Variants in SIPA1L3 observed in about 807,000 individuals in gnomAD.
The protein encoded by SIPA1L3 is signal-induced proliferation-associated 1-like protein 3.
SIPA1L3 carries 59 observed loss-of-function variants against 150.1 expected under a neutral mutation model. That is an observed-to-expected ratio of 0.39 (90% confidence interval 0.32 to 0.49). SIPA1L3 has a LOEUF of 0.49. SIPA1L3 is among the 20% of genes least tolerant of loss of function. SIPA1L3 has a pLI of 0.86. For synonymous variants in SIPA1L3, 1,070 were observed against 1,077.6 expected (o/e 0.99, Z 0.14); for missense variants, 2,211 against 2,489.5 (o/e 0.89, Z 2.38).
At chr19:37,970,467 GCAGATACCGTT>G (rs1368867454) in intron 1 of SIPA1L3, among the ~76,000 whole-genome samples, 1 of 152,186 alleles carries the variant, frequency 6.6e-6, no homozygotes, top group Admixed American at 6.5e-5. Flanking sequence ...CTCCCATGCT[GCAGATACCGTT>G]CTGAATCTCT....
chr19:38,205,299 A>T (rs1973184097), intron 21 of SIPA1L3, among the ~76,000 whole-genome samples: 1 of 150,248 alleles, frequency 6.7e-6, no homozygotes, highest in Non-Finnish European at 1.5e-5. Flanking sequence ...GTCTCTACTA[A>T]AATACAAAAT....
Position 38,082,472 on chromosome 19 carries a change from C to T in SIPA1L3, c.907C>T (p.Arg303Trp), listed in dbSNP as rs568659776. 2.5e-6 allele frequency: 4 copies of T among 1,590,020 alleles called. No individual in the cohort carries two copies. The highest frequency in any genetic ancestry group is 1.7e-5 in the Admixed American group (1 of 58,160). ...GGDTVDSSIFRKLRSSKPEGE... is the reference protein window; with the variant it reads ...GGDTVDSSIFWKLRSSKPEGE... The stretch of plus-strand genomic sequence containing the variant: ...GGACACGGTGGACTCGTCCATCTTT[C>T]GGAAGCTAAGGAGCAGCAAACCCGA... The change falls in exon 3 of 22, where the codon CGG becomes TGG. Residue 303 changes from arginine (R) to tryptophan (W), a missense_variant. By Grantham distance (101) the Arg-to-Trp change is moderately radical (BLOSUM62 -3). Coordinates refer to ENST00000222345, the MANE Select transcript of SIPA1L3 (RefSeq NM_015073.3).
intron 2 of SIPA1L3, among the ~76,000 whole-genome samples, chr19:38,064,498 A>G (rs1043589363): frequency 2.0e-5 from 3 of 152,214 alleles, no homozygotes; most frequent in African/African-American, 7.2e-5. Flanking sequence ...GGAGTTTGAG[A>G]CCAGCCTGGC....
rs766968887 is a variant in SIPA1L3, at chr19:38,164,737, G to T, written c.4039G>T (p.Gly1347Cys). The change falls in exon 15 of 22, where the codon GGT (glycine) becomes TGT (cysteine). Residue 1347 changes from glycine to cysteine, a missense_variant. By Grantham distance (159) the Gly-to-Cys change is radical. Transcript: ENST00000222345. This position sits in a 1 kb window ranked among gnomAD's most constrained non-coding sequence, Gnocchi z 4.1. The part of the protein sequence containing the change: ...PPGSMGLCGG[G>C]REAAGRSHHA... Reference sequence around the variant, plus strand: ...TGGAAGTATGGGCCTTTGTGGCGGGGGTCGCGAGGCCGCTGGGAGGTCCCA... The same window carrying T: ...TGGAAGTATGGGCCTTTGTGGCGGGTGTCGCGAGGCCGCTGGGAGGTCCCA... 6.2e-7 allele frequency: 1 copy of T among 1,613,330 alleles called. No homozygotes were observed. Among genetic ancestry groups the T allele is most frequent in the Non-Finnish European group, 8.5e-7 (1 of 1,179,716 alleles).
At chr19:38,163,925 G>A (rs1265533560) in intron 14 of SIPA1L3, among the ~76,000 whole-genome samples, 8 of 152,322 alleles carry the variant, frequency 5.3e-5, no homozygotes, top group South Asian at 2.1e-4. Context: ...AGGGGGATGA[G>A]GGTGCAGAGA....
chr19:37,965,191 C>G (rs542830116), intron 1 of SIPA1L3, among the ~76,000 whole-genome samples: 5 of 151,926 alleles, frequency 3.3e-5, no homozygotes, highest in African/African-American at 4.8e-5. Flanking sequence ...ATCAAATTTG[C>G]TAGTTTGTAT....
At chr19:38,042,632 A>T (rs1047178307) in intron 2 of SIPA1L3, among the ~76,000 whole-genome samples, 6 of 152,188 alleles carry the variant, frequency 3.9e-5, no homozygotes, top group African/African-American at 1.4e-4. Context: ...GTTCCAAAAT[A>T]AAATAAAGTG....
At chr19:38,114,772 C>T (rs972788648) in intron 8 of SIPA1L3, among the ~76,000 whole-genome samples, 1 of 152,238 alleles carries the variant, frequency 6.6e-6, no homozygotes, top group African/African-American at 2.4e-5. Flanking sequence ...CATCCAGCCA[C>T]GTGGCACTCC....
chr19:38,052,552 G>A (rs1265014864), intron 2 of SIPA1L3, among the ~76,000 whole-genome samples: 1 of 152,242 alleles, frequency 6.6e-6, no homozygotes, highest in Non-Finnish European at 1.5e-5. Context: ...GGGAAATGTA[G>A]TTCCCTGTGT....
At chr19:38,111,568 C>T (rs1970743769) in intron 8 of SIPA1L3, among the ~76,000 whole-genome samples, 1 of 152,186 alleles carries the variant, frequency 6.6e-6, no homozygotes, top group African/African-American at 2.4e-5. Context: ...CACCAGTAGT[C>T]ACCGCGAAAT....
intron 3 of SIPA1L3, among the ~76,000 whole-genome samples, chr19:38,087,542 C>T (rs968556955): frequency 6.6e-6 from 1 of 152,104 alleles, no homozygotes; most frequent in South Asian, 2.1e-4. Flanking sequence ...CAAGACAGAC[C>T]GCTGGCGGAT....
intron 2 of SIPA1L3, among the ~76,000 whole-genome samples, chr19:38,050,407 G>C (rs1371620458): frequency 1.7e-5 from 1 of 57,332 alleles, no homozygotes; most frequent in Non-Finnish European, 3.2e-5. Flanking sequence ...AGTGAGCCAA[G>C]ATCACACCAC....
Position 38,130,728 on chromosome 19 carries a change from G to A in SIPA1L3, c.3099G>A (p.Val1033=), listed in dbSNP as rs778027063. ...MIDLLRTSVT[V]KVVIIPPFED... ...ACCTGCTGCGCACCTCTGTCACTGT[G>A]AAGGTGGTCATCATCCCGCCTTTTG... Residue 1033 remains valine (V), a synonymous_variant, in exon 10 of 22, where the codon GTG becomes GTA. Coordinates refer to ENST00000222345, the MANE Select transcript of SIPA1L3 (RefSeq NM_015073.3). The A allele has an allele frequency of 1.1e-5, 17 of 1,612,822 alleles. No individual in the cohort carries two copies. The East Asian group carries it at 3.1e-4, about 30-fold the overall frequency.
chr19:38,133,431 A>G (rs1265817927), intron 10 of SIPA1L3, among the ~76,000 whole-genome samples: 2 of 152,208 alleles, frequency 1.3e-5, no homozygotes, highest in African/African-American at 2.4e-5. Flanking sequence ...TATAATTTGT[A>G]CAGAGAAGAC....
At chr19:37,973,534 CA>C (rs59279280) in intron 1 of SIPA1L3, among the ~76,000 whole-genome samples, 857 of 51,460 alleles carry the variant, frequency 0.017, 23 homozygotes, top group East Asian at 0.11. Context: ...TGTGCCTGGC[CA>C]AAAAAAAAAA....
rs1972102639 is a variant in SIPA1L3, at chr19:38,162,148, G to A, written c.3662-105G>A. ...GTTGCACTCCAAGGTGTAAATTGAT[G>A]GGGTCATGCCGTGGGTGAGCAGACA... is the stretch of plus-strand genomic sequence containing the variant. On this transcript the variant is annotated intron_variant, in intron 13 of 21. Coordinates refer to ENST00000222345, the MANE Select transcript of SIPA1L3 (RefSeq NM_015073.3). 6 of 798,268 alleles carry A rather than the reference G, an allele frequency of 7.5e-6. No homozygotes were observed. The Admixed American group carries it at 1.1e-4, about 15-fold the overall frequency. The allele number at this position is 798,268 out of a possible 1,614,324, so 49.4% of individuals were successfully genotyped here.
intron 20 of SIPA1L3, 137 bp from the exon 21 acceptor site, chr19:38,203,990 C>T: frequency 1.5e-6 from 1 of 667,514 alleles, no homozygotes; most frequent in Non-Finnish European, 2.5e-6. Context: ...TCCTGCTTCC[C>T]CTCAGAGCTT....
intron 8 of SIPA1L3, among the ~76,000 whole-genome samples, chr19:38,114,633 A>G (rs1970841469): frequency 1.3e-5 from 2 of 152,178 alleles, no homozygotes; most frequent in African/African-American, 4.8e-5. Context: ...CGCTCTGGAA[A>G]ATGCCTTTTT....
At position 38,047,062 on chromosome 19, in the gene SIPA1L3, C is replaced by A. The variant is rs1468518497; in HGVS notation, c.-311+17906C>A. On this transcript the variant is annotated intron_variant, in intron 2 of 21. Transcript: ENST00000222345. This position sits in a 1 kb window ranked among gnomAD's most constrained non-coding sequence, Gnocchi z 4.7. ...TAGTCCTCCCAAAAACCCTGTGAGG[C>A]AGGCACTATCCAGTTTTACACATGA... Among the ~76,000 whole-genome samples, 1 of 152,208 alleles carries A rather than the reference C, an allele frequency of 6.6e-6. No homozygotes were observed. Among genetic ancestry groups the A allele is most frequent in the African/African-American group, 2.4e-5 (1 of 41,434 alleles).
Sources: gnomAD v4.1 joint callset for allele counts (sites outside exome capture counted in the v4.1 genomes callset) on GRCh38, gnomAD v4.1.1 for gene constraint, Gnocchi (gnomAD v3.1) non-coding constraint, MANE v1.5 for transcripts, NCBI Gene and HGNC (gene_info 2026-07-23, HGNC 2026-07-21) for gene names.